The following ATP11A variants were observed in gnomAD, a reference collection of about 807,000 sequenced individuals.
ATP11A encodes phospholipid-transporting ATPase IH.
In ATP11A, 81 loss-of-function variants were observed where a neutral mutation model predicts 154.4. The observed-to-expected ratio is 0.52, with a 90% CI of 0.44 to 0.63. The LOEUF (loss-of-function observed/expected upper bound fraction) is 0.63. Among genes scored for constraint, ATP11A ranks in the 30% least tolerant of loss-of-function variants. The pLI is 0.00. For missense variants in ATP11A, 1,316 were observed against 1,474.3 expected (o/e 0.89, Z 1.76); for synonymous variants, 623 against 585.9 (o/e 1.06, Z -0.91).
chr13:112,868,903 A>C (rs2080424980), intron 25 of ATP11A, among the ~76,000 whole-genome samples: 1 of 152,038 alleles, frequency 6.6e-6, no homozygotes, highest in South Asian at 2.1e-4. Context: ...CCTTCTTTAC[A>C]AGGCTGCAGG....
chr13:112,823,230 C>G (rs2078846370), intron 8 of ATP11A, 115 bp from the exon 9 acceptor site: 1 of 772,628 alleles, frequency 1.3e-6, no homozygotes, highest in Non-Finnish European at 2.3e-6. Flanking sequence ...TATGCCATCT[C>G]CTCTGAAAAT....
At chr13:112,724,236 A>G (rs1303791257) in intron 1 of ATP11A, among the ~76,000 whole-genome samples, 2 of 150,556 alleles carry the variant, frequency 1.3e-5, no homozygotes, top group East Asian at 2.0e-4. Flanking sequence ...CCTGAGTTCA[A>G]GTGGACCCCA....
At position 112,882,502 on chromosome 13, in the gene ATP11A, C is replaced by A; in HGVS notation, c.*636C>A. The A allele has an allele frequency of 2.2e-6, 1 of 462,978 alleles. No individual in the cohort carries two copies. Among genetic ancestry groups the A allele is most frequent in the Non-Finnish European group, 3.8e-6 (1 of 265,502 alleles). 28.7% of individuals were successfully genotyped at this position (462,978 alleles called of 1,614,324 possible). A position where few individuals can be genotyped will look rare whatever the true frequency, so the allele number is the denominator to read the frequency against. On this transcript the variant is annotated 3_prime_UTR_variant, in exon 30 of 30. Transcript: ENST00000375645. The surrounding 1 kb of genome is among the most constrained non-coding windows in gnomAD (Gnocchi z 5.1). ...CCAATCCGGATGCTGTGGGAAGGGC[C>A]GGGTCACTCGGATACCATCATCCCT... is the stretch of plus-strand genomic sequence containing the variant.
chr13:112,690,295 C>A lies in ATP11A; in HGVS notation c.-122C>A. ...GGGCCGCGGCCGCCCCCTGCACCGCCCGGCGCGCCGAGGCCGTGACCGGAG... is the reference window on the plus strand; with the variant it reads ...GGGCCGCGGCCGCCCCCTGCACCGCACGGCGCGCCGAGGCCGTGACCGGAG... On this transcript the variant is annotated 5_prime_UTR_variant, in exon 1 of 30. Transcript: ENST00000375645. This position sits in a 1 kb window ranked among gnomAD's most constrained non-coding sequence, Gnocchi z 5.6. The A allele has an allele frequency of 1.5e-6, 1 of 682,526 alleles. No homozygotes were observed. The highest frequency in any genetic ancestry group is 1.9e-6 in the Non-Finnish European group (1 of 531,116). The allele number at this position is 682,526 out of a possible 1,614,324, so 42.3% of individuals were successfully genotyped here.
chr13:112,823,606 C>T (rs947221021), intron 9 of ATP11A, among the ~76,000 whole-genome samples, 197 bp downstream of exon 9: 11 of 152,302 alleles, frequency 7.2e-5, no homozygotes, highest in South Asian at 4.1e-4. Context: ...TCAGAGAATA[C>T]GGCTTACGGA....
intron 14 of ATP11A, 116 bp downstream of exon 14, chr13:112,833,139 C>G (rs986869029): frequency 7.7e-7 from 1 of 1,302,132 alleles, no homozygotes; most frequent in Admixed American, 2.2e-5. Context: ...GCCCTCCACA[C>G]TGAGCTGTGC....
rs116226376 is a variant in ATP11A, at chr13:112,825,854, T to A, written c.1023+274T>A. Among the ~76,000 whole-genome samples, 642 of 152,176 alleles carry A rather than the reference T, an allele frequency of 4.2e-3. 2 individuals are homozygous for A. Among genetic ancestry groups the A allele is most frequent in the African/African-American group, 0.015 (614 of 41,520 alleles). The stretch of plus-strand genomic sequence containing the variant: ...TGCACTGTGTCCTTTGTTTAGAGAG[T>A]GCTGAGAAAATGCTTGTTAATGATT... On this transcript the variant is annotated intron_variant, in intron 11 of 29. Transcript: ENST00000375645.
At chr13:112,777,524 A>C (rs2077377568) in intron 1 of ATP11A, among the ~76,000 whole-genome samples, 1 of 152,226 alleles carries the variant, frequency 6.6e-6, no homozygotes. Context: ...AGATCACGCC[A>C]TTGCACTCCA....
Position 112,825,411 on chromosome 13 carries a change from C to T in ATP11A, c.873-19C>T, listed in dbSNP as rs745490523. ...CATTTCCTCAGGGACCAGTGATCAC[C>T]TCTGTCCTTTTGTTTTAGATCGATG... On this transcript the variant is annotated intron_variant, in intron 10 of 29. Coordinates refer to ENST00000375645, the MANE Select transcript of ATP11A (RefSeq NM_015205.3). 6.9e-6 allele frequency: 11 copies of T among 1,600,120 alleles called. No homozygotes were observed. Among genetic ancestry groups the T allele is most frequent in the South Asian group, 1.1e-5 (1 of 88,618 alleles).
chr13:112,747,813 C>T lies in ATP11A; in HGVS notation c.40-37322C>T, dbSNP rs143340562. 5.4e-3 allele frequency among the ~76,000 whole-genome samples: 813 copies of T among 151,336 alleles called. 6 individuals carry two copies. The highest frequency in any genetic ancestry group is 0.018 in the African/African-American group (731 of 41,102). On this transcript the variant is annotated intron_variant, in intron 1 of 29. Transcript: ENST00000375645. ...ATCACGCCATTGCACTCCATTCGGACGGACAGAGTGTAAGACTCCATCTCA... is the reference window on the plus strand; with the variant it reads ...ATCACGCCATTGCACTCCATTCGGATGGACAGAGTGTAAGACTCCATCTCA...
At chr13:112,741,947 GA>G (rs941145196) in intron 1 of ATP11A, among the ~76,000 whole-genome samples, 1 of 151,672 alleles carries the variant, frequency 6.6e-6, no homozygotes, top group African/African-American at 2.4e-5. Flanking sequence ...CTTCCCCACG[GA>G]AGAGCGCTCC....
At chr13:112,851,397 T>G (rs1350909952) in intron 18 of ATP11A, 179 bp downstream of exon 18, 11 of 501,690 alleles carry the variant, frequency 2.2e-5, no homozygotes, top group Non-Finnish European at 3.9e-5. Flanking sequence ...AGGAAGGTCA[T>G]GCCTGGGGGA....
intron 1 of ATP11A, among the ~76,000 whole-genome samples, chr13:112,705,355 T>G (rs1594348059): frequency 2.0e-5 from 3 of 151,370 alleles, no homozygotes; most frequent in African/African-American, 7.3e-5. Flanking sequence ...TAGGGGAGGG[T>G]GTGTGATGTC....
rs7986863 is a variant in ATP11A at position 112,697,872 on chromosome 13, C to T, written c.39+7417C>T. Reference sequence around the variant, plus strand: ...TGCAGGTATGTGCCACCACGCCCAGCCCTGAAACTACTTTCATTTTAAAAC... The same window carrying T: ...TGCAGGTATGTGCCACCACGCCCAGTCCTGAAACTACTTTCATTTTAAAAC... On this transcript the variant is annotated intron_variant, in intron 1 of 29. Coordinates refer to ENST00000375645, the MANE Select transcript of ATP11A (RefSeq NM_015205.3). The surrounding 1 kb of genome is among the most constrained non-coding windows in gnomAD (Gnocchi z 4.0). 8.8e-3 allele frequency among the ~76,000 whole-genome samples: 1,346 copies of T among 152,208 alleles called. 26 individuals carry two copies. Among genetic ancestry groups the T allele is most frequent in the African/African-American group, 0.03 (1,256 of 41,516 alleles).
At position 112,804,473 on chromosome 13, in the gene ATP11A, C is replaced by G. The variant is rs1394349228; in HGVS notation, c.163-484C>G. ...CCATCCCCTCTCTGCCCTCCTTCCC[C>G]TCCTTTTCCTGTCCTTCCCCCTGAG... is the stretch of plus-strand genomic sequence containing the variant. On this transcript the variant is annotated intron_variant, in intron 2 of 29. Coordinates refer to ENST00000375645, the MANE Select transcript of ATP11A (RefSeq NM_015205.3). Among the ~76,000 whole-genome samples, 3 of 80,868 alleles carry G rather than the reference C, an allele frequency of 3.7e-5. 1 individual carries two copies. In the East Asian group the frequency reaches 1.0e-3, roughly 27 times the overall value. The allele number at this position is 80,868 out of a possible 152,430, so 53.1% of individuals were successfully genotyped here.
chr13:112,873,923 A>G (rs1431707281), intron 27 of ATP11A, among the ~76,000 whole-genome samples: 1 of 152,132 alleles, frequency 6.6e-6, no homozygotes, highest in Admixed American at 6.5e-5. Context: ...GCTTGTGACG[A>G]GTTATACGGA....
chr13:112,743,727 C>T (rs765961309), intron 1 of ATP11A, among the ~76,000 whole-genome samples: 14 of 152,216 alleles, frequency 9.2e-5, no homozygotes, highest in Non-Finnish European at 1.3e-4. Context: ...TTCCTTTGAG[C>T]TCAGGAATGT....
chr13:112,879,903 C>T (rs958117943), intron 29 of ATP11A, among the ~76,000 whole-genome samples: 1 of 152,202 alleles, frequency 6.6e-6, no homozygotes, highest in Non-Finnish European at 1.5e-5. Flanking sequence ...CATATATGCC[C>T]GTGCTGGCAT....
At chr13:112,694,571 C>T (rs1164598992) in intron 1 of ATP11A, among the ~76,000 whole-genome samples, 1 of 152,194 alleles carries the variant, frequency 6.6e-6, no homozygotes, top group Non-Finnish European at 1.5e-5. Flanking sequence ...TGCTTCCCTC[C>T]CTCTTCCCTT....
Sources: allele counts gnomAD v4.1 joint callset (sites outside exome capture counted in the v4.1 genomes callset), GRCh38; gene constraint gnomAD v4.1.1; non-coding constraint Gnocchi (gnomAD v3.1); transcripts MANE v1.5; gene names NCBI Gene and HGNC (gene_info 2026-07-23, HGNC 2026-07-21).